The following PECAM1 variants were observed in gnomAD, a reference collection of about 807,000 sequenced individuals.
PECAM1 encodes the protein platelet and endothelial cell adhesion molecule 1.
A neutral mutation model predicts 13.8 loss-of-function variants in PECAM1; 8 were observed. That is an observed-to-expected ratio of 0.58 (90% CI 0.34 to 1.05). The LOEUF (loss-of-function observed/expected upper bound fraction) is 1.05. PECAM1 is among the 50% of genes least tolerant of loss of function. PECAM1 has a pLI of 0.03. For missense variants in PECAM1, 304 were observed against 141.2 expected, an observed-to-expected ratio of 2.15 and a Z score of -5.84; for synonymous variants, 136 against 52.6, an observed-to-expected ratio of 2.58 and a Z score of -6.86.
intron 13 of PECAM1, among the ~76,000 whole-genome samples, chr17:64,347,297 C>A (rs930369577): frequency 6.6e-6 from 1 of 151,740 alleles, no homozygotes; most frequent in African/African-American, 2.4e-5. Context: ...GGGGGTGGAT[C>A]TTTTGAAGTC....
At chr17:64,347,541 A>G (rs1334374405) in intron 13 of PECAM1, among the ~76,000 whole-genome samples, 2 of 127,568 alleles carry the variant, frequency 1.6e-5, no homozygotes, top group African/African-American at 4.3e-5. Context: ...CAAAGAAAAA[A>G]AAAATATATA....
At position 64,350,567 on chromosome 17, in the gene PECAM1, T is replaced by C. The variant is rs2143772532; in HGVS notation, c.1991-134A>G. The C allele has an allele frequency of 9.9e-6, 4 of 404,658 alleles. No homozygotes were observed. In the East Asian group the frequency reaches 1.4e-4, roughly 15 times the overall value. The allele number at this position is 404,658 out of a possible 1,614,324, so 25.1% of individuals were successfully genotyped here. The stretch of plus-strand genomic sequence containing the variant: ...AGTGACAACCAGCACTGTCTCTGGG[T>C]CCTGGGTCCCCTCGTTGGCCCTCCT... On this transcript the variant is annotated intron_variant, in intron 11 of 15. Transcript: ENST00000563924.
At chr17:64,325,197 G>A (rs2034913609) in intron 15 of PECAM1, among the ~76,000 whole-genome samples, 2 of 151,380 alleles carry the variant, frequency 1.3e-5, no homozygotes, top group South Asian at 4.2e-4. Context: ...GACCAGCCTG[G>A]CCAACATAGT....
intron 1 of PECAM1, 23 bp downstream of exon 1, chr17:64,390,579 G>A: frequency 4.2e-6 from 2 of 473,254 alleles, no homozygotes; most frequent in Non-Finnish European, 7.7e-6. Context: ...TTAAAGTGAT[G>A]TGGAAACAGA....
rs145637288 is a variant in PECAM1 at position 64,361,129 on chromosome 17, ATGTGTG to A, written c.1217-720_1217-715del. Among the ~76,000 whole-genome samples, 391 of 137,254 alleles carry A rather than the reference ATGTGTG, an allele frequency of 2.8e-3. 1 individual carries two copies. Among genetic ancestry groups the A allele is most frequent in the African/African-American group, 0.01 (368 of 35,532 alleles). 90.0% of individuals were successfully genotyped at this position (137,254 alleles called of 152,430 possible). A position where few individuals can be genotyped will look rare whatever the true frequency, so the allele number is the denominator to read the frequency against. ...AGCCACCACACCTGGCTGAGCATAT[ATGTGTG>A]TGTGTGTGTGTGTGTGTGTGTGTGT... On this transcript the variant is annotated intron_variant, in intron 6 of 15. Transcript: ENST00000563924.
At chr17:64,374,926 C>G (rs1265523350) in intron 4 of PECAM1, 125 bp downstream of exon 4, 1 of 410,882 alleles carries the variant, frequency 2.4e-6, no homozygotes, top group African/African-American at 2.1e-5. Flanking sequence ...AAAATACTGG[C>G]TTAAAATGAT....
At chr17:64,333,657 G>T (rs1458994083) in intron 14 of PECAM1, among the ~76,000 whole-genome samples, 4 of 151,614 alleles carry the variant, frequency 2.6e-5, no homozygotes, top group Non-Finnish European at 5.9e-5. Flanking sequence ...ACAATTTTAA[G>T]AATAAAATTG....
At chr17:64,384,596 G>A (rs2036552720) in intron 2 of PECAM1, among the ~76,000 whole-genome samples, 1 of 152,220 alleles carries the variant, frequency 6.6e-6, no homozygotes, top group Admixed American at 6.5e-5. Flanking sequence ...TACCCAGGAT[G>A]AGGAACTAAG....
chr17:64,338,114 C>G (rs1017153414), intron 14 of PECAM1, among the ~76,000 whole-genome samples: 1 of 151,992 alleles, frequency 6.6e-6, no homozygotes, highest in South Asian at 2.1e-4. Context: ...CAGTTCACTG[C>G]AGCCTCCACC....
intron 3 of PECAM1, among the ~76,000 whole-genome samples, chr17:64,376,954 T>C (rs2036372800): frequency 6.6e-6 from 1 of 152,252 alleles, no homozygotes; most frequent in African/African-American, 2.4e-5. Context: ...TTAGCCTGGG[T>C]GACAGAGGAA....
At chr17:64,359,758 CTTT>C (rs11431765) in intron 7 of PECAM1, among the ~76,000 whole-genome samples, 7 of 144,970 alleles carry the variant, frequency 4.8e-5, no homozygotes, top group Non-Finnish European at 4.5e-5. Flanking sequence ...ACTTCTCTCG[CTTT>C]TTTTTTTTTT....
intron 14 of PECAM1, among the ~76,000 whole-genome samples, chr17:64,330,161 G>A (rs568493251): frequency 6.6e-5 from 10 of 151,952 alleles, no homozygotes; most frequent in Admixed American, 4.6e-4. Flanking sequence ...GACTACAGGC[G>A]CACACCACCA....
chr17:64,382,163 C>A, intron 2 of PECAM1, among the ~76,000 whole-genome samples: 1 of 152,278 alleles, frequency 6.6e-6, no homozygotes, highest in East Asian at 1.9e-4. Flanking sequence ...TAATATAGTT[C>A]CCTCCCAACC....
chr17:64,333,943 C>CA (rs869179014), intron 14 of PECAM1, among the ~76,000 whole-genome samples: 4,390 of 69,378 alleles, frequency 0.063, 284 homozygotes, highest in African/African-American at 0.14. Flanking sequence ...GACCCTGTCT[C>CA]AAAAAAAAAA....
At chr17:64,356,628 C>G in intron 7 of PECAM1, among the ~76,000 whole-genome samples, 1 of 152,054 alleles carries the variant, frequency 6.6e-6, no homozygotes, top group Admixed American at 6.6e-5. Flanking sequence ...GGTGCGCCCA[C>G]CAGGCCCAGC....
Position 64,322,926 on chromosome 17 carries a change from C to G in PECAM1, c.*890G>C. 1 of 483,218 alleles carries G rather than the reference C, an allele frequency of 2.1e-6. No individual in the cohort carries two copies. The allele number at this position is 483,218 out of a possible 1,614,324, so 29.9% of individuals were successfully genotyped here. On this transcript the variant is annotated 3_prime_UTR_variant, in exon 16 of 16. Transcript: ENST00000563924. ...AGACAGGGTTTCATCAGGCTGGTCT[C>G]AAACTCCTGACCTCAGGTGATCCGC... is the stretch of plus-strand genomic sequence containing the variant.
At chr17:64,354,045 T>G (rs2035794536) in intron 9 of PECAM1, among the ~76,000 whole-genome samples, 1 of 151,772 alleles carries the variant, frequency 6.6e-6, no homozygotes, top group African/African-American at 2.4e-5. Flanking sequence ...GTTCAAGTGA[T>G]TCTCCTGCCT....
chr17:64,322,343 G>T lies in PECAM1; in HGVS notation c.*1473C>A. On this transcript the variant is annotated 3_prime_UTR_variant, in exon 16 of 16. Transcript: ENST00000563924. ...GGAGGTTGCAGTGAGCAGAGGTTGC[G>T]CCGCTGCAGTCCAGCCCGGGCAACA... The T allele has an allele frequency of 1.2e-6, 1 of 850,808 alleles. No homozygotes were observed. Among genetic ancestry groups the T allele is most frequent in the Non-Finnish European group, 1.4e-6 (1 of 706,256 alleles). 52.7% of individuals were successfully genotyped at this position (850,808 alleles called of 1,614,324 possible). A position where few individuals can be genotyped will look rare whatever the true frequency, so the allele number is the denominator to read the frequency against.
At chr17:64,341,800 C>T in intron 13 of PECAM1, 110 bp from the exon 14 acceptor site, 1 of 403,830 alleles carries the variant, frequency 2.5e-6, no homozygotes, top group Non-Finnish European at 4.5e-6. Flanking sequence ...TACCCCACCA[C>T]TGCACCCCAC....
Sources: gnomAD v4.1 joint callset for allele counts (sites outside exome capture counted in the v4.1 genomes callset) on GRCh38, gnomAD v4.1.1 for gene constraint, MANE v1.5 for transcripts, NCBI Gene and HGNC (gene_info 2026-07-23, HGNC 2026-07-21) for gene names.